CDH18: variants seen among roughly 807,000 people sequenced by gnomAD.
The protein encoded by CDH18 is cadherin-18.
Under a neutral mutation model 67.9 loss-of-function variants are expected in CDH18, and 31 were observed. The ratio of observed to expected loss-of-function variants is 0.46; its 90% CI spans 0.34 to 0.62. CDH18 has a LOEUF of 0.62. Among genes scored for constraint, CDH18 ranks in the 20% least tolerant of loss-of-function variants. CDH18 has a pLI of 0.01. For missense variants in CDH18, 890 were observed against 975.5 expected, an observed-to-expected ratio of 0.91 and a Z score of 1.17; for synonymous variants, 362 against 347.2, an observed-to-expected ratio of 1.04 and a Z score of -0.48.
At chr5:19,947,096 A>G (rs566173976) in intron 2 of CDH18, among the ~76,000 whole-genome samples, 3 of 152,142 alleles carry the variant, frequency 2.0e-5, no homozygotes, top group Non-Finnish European at 4.4e-5. Flanking sequence ...TACATAAAGC[A>G]TATATACAAA....
intron 2 of CDH18, among the ~76,000 whole-genome samples, chr5:19,842,366 T>TG (rs1782426351): frequency 1.3e-5 from 2 of 152,276 alleles, no homozygotes; most frequent in Non-Finnish European, 2.9e-5. Flanking sequence ...TGCTCCCCCA[T>TG]GCTGTTCTCT....
At chr5:20,328,504 TGTGTGA>T (rs1298165348) in intron 1 of CDH18, among the ~76,000 whole-genome samples, 111 of 108,004 alleles carry the variant, frequency 1.0e-3, no homozygotes, top group Middle Eastern at 0.011. Context: ...TGTGTGTGTG[TGTGTGA>T]GAGAGAGAGA....
intron 2 of CDH18, 35 bp downstream of exon 2, chr5:19,981,025 C>A (rs1420782477): frequency 6.6e-6 from 1 of 152,148 alleles, no homozygotes; most frequent in Non-Finnish European, 1.5e-5. Flanking sequence ...TCACATCCTG[C>A]CAACTTTATT....
chr5:19,917,157 T>C (rs1021411417), intron 2 of CDH18, among the ~76,000 whole-genome samples: 19 of 152,208 alleles, frequency 1.2e-4, no homozygotes, highest in Admixed American at 1.1e-3. Flanking sequence ...TGATACATAG[T>C]GACTTCTAAA....
chr5:19,650,465 T>C (rs1243935431), intron 5 of CDH18, among the ~76,000 whole-genome samples: 2 of 151,934 alleles, frequency 1.3e-5, no homozygotes, highest in African/African-American at 4.8e-5. Context: ...ATAAGACAAA[T>C]TGAAAAGCAA....
At chr5:20,456,044 A>G (rs1245489356) in intron 1 of CDH18, among the ~76,000 whole-genome samples, 2 of 152,114 alleles carry the variant, frequency 1.3e-5, no homozygotes, top group African/African-American at 4.8e-5. Flanking sequence ...AAGACAAGCA[A>G]ATTTTAAGAG....
chr5:19,503,358 A>AT (rs371538309), intron 10 of CDH18, among the ~76,000 whole-genome samples: 4,128 of 150,618 alleles, frequency 0.027, 188 homozygotes, highest in African/African-American at 0.096. Context: ...AAACGCATTG[A>AT]TTTTTTTTTT....
chr5:20,314,652 A>G (rs2149995669), intron 1 of CDH18, among the ~76,000 whole-genome samples: 1 of 152,182 alleles, frequency 6.6e-6, no homozygotes, highest in South Asian at 2.1e-4. Context: ...TCAGAGCTTA[A>G]GCTTATTTGA....
chr5:20,265,666 A>T, intron 1 of CDH18, among the ~76,000 whole-genome samples: 1 of 152,312 alleles, frequency 6.6e-6, no homozygotes, highest in Middle Eastern at 3.4e-3. Flanking sequence ...AAATTAAAAT[A>T]AAAAATATAA....
At chr5:20,350,656 G>T (rs759716066) in intron 1 of CDH18, among the ~76,000 whole-genome samples, 18 of 152,038 alleles carry the variant, frequency 1.2e-4, no homozygotes, top group South Asian at 6.2e-4. Context: ...ACTTTTATGG[G>T]TTTAGCTATA....
intron 1 of CDH18, among the ~76,000 whole-genome samples, chr5:20,413,379 A>C (rs912497661): frequency 6.6e-6 from 1 of 152,222 alleles, no homozygotes; most frequent in African/African-American, 2.4e-5. Flanking sequence ...TCCTTGAGGA[A>C]TTACCACACT....
At chr5:20,568,119 A>G (rs1182282436) in intron 1 of CDH18, among the ~76,000 whole-genome samples, 1 of 152,140 alleles carries the variant, frequency 6.6e-6, no homozygotes, top group Non-Finnish European at 1.5e-5. Context: ...GGTACATGCC[A>G]TTATTATAAA....
intron 2 of CDH18, among the ~76,000 whole-genome samples, chr5:20,092,587 G>C (rs575095568): frequency 7.2e-5 from 11 of 152,006 alleles, no homozygotes; most frequent in Non-Finnish European, 1.5e-4. Context: ...TTGATGACTG[G>C]TATTGAAAAT....
chr5:19,802,006 C>T (rs1222996130), intron 3 of CDH18, among the ~76,000 whole-genome samples: 3 of 152,034 alleles, frequency 2.0e-5, no homozygotes, highest in Non-Finnish European at 4.4e-5. Context: ...ACACTAATAA[C>T]AGGGTTCAAA....
intron 2 of CDH18, among the ~76,000 whole-genome samples, chr5:20,108,276 G>C (rs902071600): frequency 6.6e-6 from 1 of 150,734 alleles, no homozygotes; most frequent in Non-Finnish European, 1.5e-5. Context: ...ATTTTTAGTA[G>C]AGACAAGGTT....
chr5:20,543,787 C>T (rs991218150), intron 1 of CDH18, among the ~76,000 whole-genome samples: 9 of 152,010 alleles, frequency 5.9e-5, no homozygotes, highest in Non-Finnish European at 1.0e-4. Flanking sequence ...CAGCTCATTG[C>T]GTATAGGTCA....
chr5:20,000,329 T>C (rs753158715), intron 2 of CDH18, among the ~76,000 whole-genome samples: 1 of 152,120 alleles, frequency 6.6e-6, no homozygotes, highest in Non-Finnish European at 1.5e-5. Context: ...CAAAAAGATA[T>C]AATGAATGCC....
At chr5:20,106,789 T>C (rs553557479) in intron 2 of CDH18, among the ~76,000 whole-genome samples, 115 of 152,292 alleles carry the variant, frequency 7.6e-4, no homozygotes, top group African/African-American at 2.6e-3. Flanking sequence ...GGTTATAATA[T>C]CCAATGACCT....
chr5:19,608,513 A>C (rs11748426), intron 6 of CDH18, among the ~76,000 whole-genome samples: 84,798 of 150,144 alleles, frequency 0.56, 26,309 homozygotes, highest in South Asian at 0.73. Flanking sequence ...CTCCCCCCCC[A>C]AAAAAAATCA....
Sources: allele counts gnomAD v4.1 joint callset (sites outside exome capture counted in the v4.1 genomes callset), GRCh38; gene constraint gnomAD v4.1.1; transcripts MANE v1.5; gene names NCBI Gene and HGNC (gene_info 2026-07-23, HGNC 2026-07-21).